Variants in ZFHX3 observed in about 807,000 individuals in gnomAD.
ZFHX3 encodes zinc finger homeobox protein 3.
Under a neutral mutation model 279.1 loss-of-function variants are expected in ZFHX3, and 42 were observed. The ratio of observed to expected loss-of-function variants is 0.15; its 90% CI spans 0.12 to 0.19. The LOEUF (loss-of-function observed/expected upper bound fraction) is 0.19. ZFHX3 is among the 10% of genes least tolerant of loss of function. The pLI is 1.00. For synonymous variants in ZFHX3, 2,293 were observed against 1,957.8 expected (o/e 1.17, Z -4.52); for missense variants, 4,981 against 4,754.0 (o/e 1.05, Z -1.40).
chr16:73,024,216 G>C (rs1305858300), intron 1 of ZFHX3, among the ~76,000 whole-genome samples: 2 of 152,154 alleles, frequency 1.3e-5, no homozygotes, highest in African/African-American at 4.8e-5. Context: ...TTTTGGCAAA[G>C]AAACGAAGAG....
intron 5 of ZFHX3, among the ~76,000 whole-genome samples, chr16:73,226,863 G>A (rs970984064): frequency 6.6e-6 from 1 of 152,194 alleles, no homozygotes; most frequent in Non-Finnish European, 1.5e-5. Context: ...GCGCCTTCAC[G>A]TGACTGACGT....
In ZFHX3 at chr16:72,957,569, G is replaced by T. The variant is rs777344976; in HGVS notation, c.2577C>A (p.Ala859=). 1 of 1,614,176 alleles carries T rather than the reference G, an allele frequency of 6.2e-7. No homozygotes were observed. Among genetic ancestry groups the T allele is most frequent in the Admixed American group, 1.7e-5 (1 of 60,034 alleles). The change falls in exon 2 of 10, where the codon GCC becomes GCA. Residue 859 remains alanine, a synonymous_variant. Transcript: ENST00000268489. ...GLGSLPSPAE[A]ELYQYYLAQN... Reference sequence around the variant, plus strand: ...GGGCCAGGTAGTATTGGTAGAGCTCGGCCTCGGCGGGTGAGGGCAGGCTGC... The same window carrying T: ...GGGCCAGGTAGTATTGGTAGAGCTCTGCCTCGGCGGGTGAGGGCAGGCTGC...
chr16:73,063,506 G>A (rs577779503), upstream of ZFHX3, among the ~76,000 whole-genome samples: 2 of 152,268 alleles, frequency 1.3e-5, no homozygotes, highest in South Asian at 4.2e-4. Flanking sequence ...CCAAGGCTCT[G>A]CCCTAAGGTT....
intron 1 of ZFHX3, among the ~76,000 whole-genome samples, chr16:73,858,663 A>T (rs1458949278): frequency 3.3e-5 from 5 of 152,226 alleles, no homozygotes; most frequent in Non-Finnish European, 1.5e-5. Context: ...GGAATAATTC[A>T]ACATTAAACT....
intron 2 of ZFHX3, among the ~76,000 whole-genome samples, chr16:73,653,142 T>C (rs1380540914): frequency 6.6e-6 from 1 of 152,128 alleles, no homozygotes; most frequent in East Asian, 1.9e-4. Flanking sequence ...TTTATTGTAA[T>C]AAAGATTTAA....
At chr16:73,482,882 T>C (rs1435766995) in intron 2 of ZFHX3, among the ~76,000 whole-genome samples, 3 of 152,242 alleles carry the variant, frequency 2.0e-5, no homozygotes, top group Non-Finnish European at 4.4e-5. Context: ...ACAAAAGCTT[T>C]GGATCTTTCA....
chr16:72,848,630 C>T (rs971020383), intron 4 of ZFHX3, among the ~76,000 whole-genome samples: 5 of 151,140 alleles, frequency 3.3e-5, no homozygotes, highest in Non-Finnish European at 7.4e-5. Flanking sequence ...CGGCCATCAC[C>T]CTGTGCCCCC....
chr16:73,299,837 C>T (rs1374190339), intron 4 of ZFHX3, among the ~76,000 whole-genome samples: 1 of 152,158 alleles, frequency 6.6e-6, no homozygotes. Context: ...TCTCCACTGG[C>T]CCAGCAAAGC....
chr16:73,433,805 C>T lies in ZFHX3; in HGVS notation c.-1291+22198G>A, dbSNP rs533118482. The stretch of plus-strand genomic sequence containing the variant: ...GAGCTGAGCCCACTCTGCGGCTGCA[C>T]GGTGCCTACTGGGTGAGCCGTGGCT... On this transcript the variant is annotated intron_variant, in intron 3 of 17. Transcript: ENST00000641206. Among the ~76,000 whole-genome samples the T allele has an allele frequency of 2.6e-5, 4 of 152,296 alleles. No individual in the cohort carries two copies. The South Asian group carries it at 6.2e-4, about 24-fold the overall frequency.
chr16:73,374,615 T>G (rs1014770944), intron 3 of ZFHX3, among the ~76,000 whole-genome samples: 2 of 152,224 alleles, frequency 1.3e-5, no homozygotes, highest in African/African-American at 4.8e-5. Flanking sequence ...TCCTATACAT[T>G]TTATTTTTGA....
At chr16:73,327,208 A>C (rs1300790364) in intron 3 of ZFHX3, among the ~76,000 whole-genome samples, 3 of 152,304 alleles carry the variant, frequency 2.0e-5, no homozygotes, top group African/African-American at 7.2e-5. Flanking sequence ...TATGCTCTAC[A>C]TTCCTCTTAT....
intron 1 of ZFHX3, among the ~76,000 whole-genome samples, chr16:73,846,166 G>A (rs1190600779): frequency 6.6e-6 from 1 of 152,138 alleles, no homozygotes; most frequent in East Asian, 1.9e-4. Context: ...TTACACAGCT[G>A]TATATTGCCA....
intron 1 of ZFHX3, among the ~76,000 whole-genome samples, chr16:73,765,248 A>G (rs1050409704): frequency 6.6e-6 from 1 of 152,154 alleles, no homozygotes; most frequent in Non-Finnish European, 1.5e-5. Context: ...AAAAAAAAAG[A>G]CAGATTCTCT....
At chr16:73,713,777 A>G (rs962172984) in intron 1 of ZFHX3, among the ~76,000 whole-genome samples, 2 of 152,194 alleles carry the variant, frequency 1.3e-5, no homozygotes, top group Admixed American at 6.5e-5. Context: ...CAGCACAGCA[A>G]GCGAGCGATA....
chr16:72,787,722 G>GCCGCCGCCGCCGCCA lies in ZFHX3; in HGVS notation c.10539_10553dup (p.Gly3523_Gly3527dup), dbSNP rs2035480128. 3.3e-6 allele frequency: 4 copies of GCCGCCGCCGCCGCCA among 1,229,772 alleles called. No homozygotes were observed. The highest frequency in any genetic ancestry group is 1.0e-4 in the Admixed American group (2 of 19,584). 76.2% of individuals were successfully genotyped at this position (1,229,772 alleles called of 1,614,324 possible). A position where few individuals can be genotyped will look rare whatever the true frequency, so the allele number is the denominator to read the frequency against. On this transcript the variant is annotated inframe_insertion, in exon 10 of 10. Coordinates refer to ENST00000268489, the MANE Select transcript of ZFHX3 (RefSeq NM_006885.4). The stretch of plus-strand genomic sequence containing the variant: ...CGCCGCCGCCGCCGCCGCCGCCACC[G>GCCGCCGCCGCCGCCA]CCGCCGCCGCCGCCACTGCCACCGC...
chr16:73,152,130 C>T (rs948963866), intron 5 of ZFHX3, among the ~76,000 whole-genome samples: 1 of 152,092 alleles, frequency 6.6e-6, no homozygotes, highest in Non-Finnish European at 1.5e-5. Flanking sequence ...ATGTCCCGAA[C>T]GATGATGAAT....
At chr16:73,174,308 CAAA>C (rs869082913) in intron 5 of ZFHX3, among the ~76,000 whole-genome samples, 452 of 136,068 alleles carry the variant, frequency 3.3e-3, no homozygotes, top group African/African-American at 0.011. Flanking sequence ...ACAACAACAA[CAAA>C]AGGAGGAATA....
chr16:73,247,737 C>T (rs1254177035), intron 5 of ZFHX3, among the ~76,000 whole-genome samples: 2 of 150,028 alleles, frequency 1.3e-5, no homozygotes, highest in Admixed American at 6.6e-5. Flanking sequence ...TGTCTATGTG[C>T]CTGTATGCGG....
Position 73,088,274 on chromosome 16 carries a change from C to T in ZFHX3, c.-533+4961G>A, listed in dbSNP as rs533967078. ...AATCCTTCCACCTCAGCCCTCTGCA[C>T]GGCTGGGATCACAGCTGTGTGCCAC... On this transcript the variant is annotated intron_variant, in intron 8 of 17. Coordinates refer to the ZFHX3 transcript ENST00000641206. 1.5e-3 allele frequency among the ~76,000 whole-genome samples: 232 copies of T among 151,854 alleles called. 1 individual carries two copies. Among genetic ancestry groups the T allele is most frequent in the African/African-American group, 5.2e-3 (214 of 41,408 alleles).
Sources: gnomAD v4.1 joint callset for allele counts (sites outside exome capture counted in the v4.1 genomes callset) on GRCh38, gnomAD v4.1.1 for gene constraint, MANE v1.5 for transcripts, NCBI Gene and HGNC (gene_info 2026-07-23, HGNC 2026-07-21) for gene names.